Variants in IFNGR2 observed in about 807,000 individuals in gnomAD.
IFNGR2 encodes the protein IFN-gamma receptor 2.
A neutral mutation model predicts 41.1 loss-of-function variants in IFNGR2; 15 were observed. The ratio of observed to expected loss-of-function variants is 0.37; its 90% CI spans 0.24 to 0.56. The LOEUF (loss-of-function observed/expected upper bound fraction) is 0.56. Ranked by LOEUF, IFNGR2 falls within the 20% of genes least tolerant of loss-of-function variation. IFNGR2 has a pLI of 0.81. For synonymous variants in IFNGR2, 161 were observed against 171.6 expected (o/e 0.94, Z 0.48); for missense variants, 362 against 415.7 (o/e 0.87, Z 1.12).
intron 6 of IFNGR2, among the ~76,000 whole-genome samples, chr21:33,433,152 C>G (rs968384165): frequency 3.3e-5 from 5 of 152,170 alleles, no homozygotes; most frequent in Non-Finnish European, 7.3e-5. Context: ...TCCCAAAGTG[C>G]TGGGATTACA....
chr21:33,428,726 G>A (rs1197523280), intron 4 of IFNGR2, among the ~76,000 whole-genome samples: 5 of 152,212 alleles, frequency 3.3e-5, no homozygotes, highest in East Asian at 1.9e-4. Context: ...AACTGGATAC[G>A]GTGCCGGAAA....
intron 1 of IFNGR2, 58 bp downstream of exon 1, chr21:33,403,674 C>G: frequency 1.9e-6 from 2 of 1,043,444 alleles, no homozygotes; most frequent in Non-Finnish European, 1.2e-6. Context: ...CATGTGGGGG[C>G]TGGGGGACTC....
intron 1 of IFNGR2, among the ~76,000 whole-genome samples, chr21:33,405,387 C>A (rs1340057720): frequency 6.6e-6 from 1 of 152,194 alleles, no homozygotes; most frequent in African/African-American, 2.4e-5. Context: ...ACTGCTTTTC[C>A]ATGGGAGTCA....
chr21:33,411,674 A>C (rs901403799), intron 1 of IFNGR2: 4 of 364,698 alleles, frequency 1.1e-5, no homozygotes, highest in African/African-American at 8.4e-5. Context: ...CAGAGGCAGA[A>C]GGTTCAGTAC....
chr21:33,436,779 A>G (rs754826092), intron 6 of IFNGR2, 49 bp from the exon 7 acceptor site: 1 of 1,526,556 alleles, frequency 6.6e-7, no homozygotes. Flanking sequence ...AAGGTCTGGT[A>G]TACTGAACTG....
At chr21:33,415,384 C>T (rs186570591) in intron 2 of IFNGR2, among the ~76,000 whole-genome samples, 4 of 152,286 alleles carry the variant, frequency 2.6e-5, no homozygotes, top group Non-Finnish European at 5.9e-5. Context: ...ATTGATTTAA[C>T]CTTATAGACC....
At chr21:33,428,874 C>A (rs1027493212) in intron 4 of IFNGR2, among the ~76,000 whole-genome samples, 4 of 152,178 alleles carry the variant, frequency 2.6e-5, no homozygotes, top group African/African-American at 9.6e-5. Flanking sequence ...GGAGTCCATC[C>A]ACTTCTCTGC....
At chr21:33,420,789 G>C (rs1022351786) in intron 2 of IFNGR2, among the ~76,000 whole-genome samples, 5 of 152,220 alleles carry the variant, frequency 3.3e-5, no homozygotes, top group African/African-American at 1.2e-4. Flanking sequence ...GATCACACCT[G>C]TAATCCCAGC....
chr21:33,403,769 A>T (rs895065446), intron 1 of IFNGR2, among the ~76,000 whole-genome samples, 153 bp downstream of exon 1: 2 of 151,670 alleles, frequency 1.3e-5, no homozygotes, highest in African/African-American at 4.8e-5. Flanking sequence ...GGATATGCGG[A>T]GTGCTCAGAT....
At chr21:33,424,939 C>T (rs2012119) in intron 3 of IFNGR2, among the ~76,000 whole-genome samples, 1 of 151,970 alleles carries the variant, frequency 6.6e-6, no homozygotes, top group East Asian at 1.9e-4. Context: ...GATGGAGTTT[C>T]ACTCTTGTCA....
chr21:33,432,426 G>A, intron 5 of IFNGR2, 90 bp downstream of exon 5: 1 of 1,271,342 alleles, frequency 7.9e-7, no homozygotes. Context: ...GGTCATGGGT[G>A]GTGGGAGTGG....
At chr21:33,436,559 C>T (rs1254514845) in intron 6 of IFNGR2, among the ~76,000 whole-genome samples, 1 of 151,860 alleles carries the variant, frequency 6.6e-6, no homozygotes, top group Non-Finnish European at 1.5e-5. Flanking sequence ...CCTGTCTCTA[C>T]TAAAAATACA....
chr21:33,414,250 T>C (rs1227975317), intron 1 of IFNGR2, among the ~76,000 whole-genome samples: 1 of 152,186 alleles, frequency 6.6e-6, no homozygotes, highest in Non-Finnish European at 1.5e-5. Flanking sequence ...ATTGCGATGC[T>C]GGGGGTCCTT....
chr21:33,410,781 T>C, intron 1 of IFNGR2: 1 of 1,231,796 alleles, frequency 8.1e-7, no homozygotes, highest in Non-Finnish European at 1.2e-6. Context: ...TAGAATAACT[T>C]TTTACATGTT....
chr21:33,432,704 C>T lies in IFNGR2; in HGVS notation c.722-10C>T, dbSNP rs761096880. 1.2e-6 allele frequency: 2 copies of T among 1,613,956 alleles called. No individual in the cohort carries two copies. The highest frequency in any genetic ancestry group is 1.7e-6 in the Non-Finnish European group (2 of 1,179,896). ...AGATCATTCTGTTCACTTTCGTGTC[C>T]TCTTTTTAGCCTCCACTGAGCTTCA... On this transcript the variant is annotated splice_polypyrimidine_tract_variant and intron_variant, in intron 5 of 6. Coordinates refer to ENST00000290219, the MANE Select transcript of IFNGR2 (RefSeq NM_005534.4).
In IFNGR2 at chr21:33,432,230, C is replaced by T; in HGVS notation, c.615C>T (p.Ser205=). Residue 205 remains serine, a synonymous_variant, in exon 5 of 7, where the codon TCC becomes TCT. Coordinates refer to ENST00000290219, the MANE Select transcript of IFNGR2 (RefSeq NM_005534.4). ...TTTCATTGGATAACTTAAAACCCTCCAGAGTGTACTGTTTACAAGTCCAGG... is the reference window on the plus strand; with the variant it reads ...TTTCATTGGATAACTTAAAACCCTCTAGAGTGTACTGTTTACAAGTCCAGG... The part of the protein sequence containing the change: ...NSISLDNLKP[S]RVYCLQVQAQ... 1 of 1,613,952 alleles carries T rather than the reference C, an allele frequency of 6.2e-7. No individual in the cohort carries two copies. Among genetic ancestry groups the T allele is most frequent in the African/African-American group, 1.3e-5 (1 of 75,048 alleles).
chr21:33,406,944 T>A (rs1292806022), intron 1 of IFNGR2, among the ~76,000 whole-genome samples: 2 of 152,156 alleles, frequency 1.3e-5, no homozygotes, highest in Non-Finnish European at 2.9e-5. Context: ...CCACCCAGCC[T>A]GGCTCCGGAA....
rs1173176211 is a variant in IFNGR2 at position 33,403,571 on chromosome 21, C to T, written c.28C>T (p.Leu10=). The T allele has an allele frequency of 2.2e-6, 3 of 1,368,868 alleles. No homozygotes were observed. Among genetic ancestry groups the T allele is most frequent in the Non-Finnish European group, 1.9e-6 (2 of 1,056,254 alleles). 84.8% of individuals were successfully genotyped at this position (1,368,868 alleles called of 1,614,324 possible). A position where few individuals can be genotyped will look rare whatever the true frequency, so the allele number is the denominator to read the frequency against. ...GCGACCGACGCTGCTGTGGTCGCTGCTGCTGCTGCTCGGAGTCTTCGCCGC... is the reference window on the plus strand; with the variant it reads ...GCGACCGACGCTGCTGTGGTCGCTGTTGCTGCTGCTCGGAGTCTTCGCCGC... MRPTLLWSL[L]LLLGVFAAAA... Residue 10 remains leucine, a synonymous_variant, in exon 1 of 7, where the codon CTG becomes TTG. Coordinates refer to ENST00000290219, the MANE Select transcript of IFNGR2 (RefSeq NM_005534.4).
intron 2 of IFNGR2, among the ~76,000 whole-genome samples, chr21:33,415,855 T>C (rs983962474): frequency 4.6e-5 from 7 of 152,228 alleles, no homozygotes; most frequent in Non-Finnish European, 7.3e-5. Context: ...CGTGTGCATG[T>C]GTGTCTGTTT....
Sources: gnomAD v4.1 joint callset for allele counts (sites outside exome capture counted in the v4.1 genomes callset) on GRCh38, gnomAD v4.1.1 for gene constraint, MANE v1.5 for transcripts, NCBI Gene and HGNC (gene_info 2026-07-23, HGNC 2026-07-21) for gene names.